The following BFSP1 variants were observed in gnomAD, a reference collection of about 807,000 sequenced individuals.
BFSP1 encodes beaded filament structural protein 1, also known as filensin.
BFSP1 carries 38 observed loss-of-function variants against 43.9 expected under a neutral mutation model. That is an observed-to-expected ratio of 0.87 (90% CI 0.67 to 1.14). The LOEUF is 1.14. BFSP1 is among the 50% of genes most tolerant of loss of function. The pLI is 0.00. For synonymous variants in BFSP1, 352 were observed against 354.8 expected, an observed-to-expected ratio of 0.99 and a Z score of 0.09; for missense variants, 850 against 875.1, an observed-to-expected ratio of 0.97 and a Z score of 0.36.
intron 2 of BFSP1, among the ~76,000 whole-genome samples, chr20:17,520,783 C>T (rs2034305960): frequency 6.6e-6 from 1 of 152,178 alleles, no homozygotes; most frequent in South Asian, 2.1e-4. Context: ...TTTCCGGGCT[C>T]AGAGGAATTC....
chr20:17,530,577 A>T (rs1379117094), intron 1 of BFSP1, among the ~76,000 whole-genome samples: 1 of 152,214 alleles, frequency 6.6e-6, no homozygotes, highest in Non-Finnish European at 1.5e-5. Context: ...ACTGACTGGG[A>T]AAGGGGAGGA....
In BFSP1 at chr20:17,497,457, T is replaced by TACACACACAC. The variant is rs200390071; in HGVS notation, c.957-435_957-434insGTGTGTGTGT. ...GTATATATACGTGTATGTATATATATATACACACACACACGTATATATACG... is the reference window on the plus strand; with the variant it reads ...GTATATATACGTGTATGTATATATATACACACACACATACACACACACACGTATATATACG... On this transcript the variant is annotated intron_variant, in intron 6 of 7. Coordinates refer to ENST00000377873, the MANE Select transcript of BFSP1 (RefSeq NM_001195.5). 6.9e-3 allele frequency among the ~76,000 whole-genome samples: 497 copies of TACACACACAC among 72,080 alleles called. 2 individuals are homozygous for TACACACACAC. The highest frequency in any genetic ancestry group is 0.011 in the Non-Finnish European group (404 of 38,020). 47.3% of individuals were successfully genotyped at this position (72,080 alleles called of 152,430 possible). A position where few individuals can be genotyped will look rare whatever the true frequency, so the allele number is the denominator to read the frequency against.
At chr20:17,511,942 G>C (rs966351241) in intron 4 of BFSP1, 34 bp downstream of exon 4, 1 of 1,544,112 alleles carries the variant, frequency 6.5e-7, no homozygotes, top group Non-Finnish European at 8.9e-7. Context: ...CTTCCCTCCA[G>C]GGCTGGTTTG....
chr20:17,548,781 T>A (rs1305630044), intron 1 of BFSP1, among the ~76,000 whole-genome samples: 1 of 152,092 alleles, frequency 6.6e-6, no homozygotes, highest in African/African-American at 2.4e-5. Context: ...ACTTATTGTT[T>A]TTTGGTGGTG....
At chr20:17,557,751 T>C (rs2035017025) in intron 1 of BFSP1, among the ~76,000 whole-genome samples, 1 of 152,140 alleles carries the variant, frequency 6.6e-6, no homozygotes, top group South Asian at 2.1e-4. Context: ...GTGGTTCCAG[T>C]GTGTGTGTTG....
intron 6 of BFSP1, among the ~76,000 whole-genome samples, chr20:17,497,584 A>ATATATGTATATATGTGTGTGTATATATG (rs2033679166): frequency 6.4e-5 from 1 of 15,626 alleles, no homozygotes; most frequent in Non-Finnish European, 1.3e-4. Context: ...ATATATACGT[A>ATATATGTATATATGTGTGTGTATATATG]TATATATACG....
At chr20:17,538,247 C>T (rs1024181995) in intron 1 of BFSP1, among the ~76,000 whole-genome samples, 1 of 151,942 alleles carries the variant, frequency 6.6e-6, no homozygotes, top group Non-Finnish European at 1.5e-5. Context: ...GCATGATGTC[C>T]AACTTACTCT....
rs1019007679 is a variant in BFSP1, at chr20:17,514,657, C to T, written c.534+64G>A. The T allele has an allele frequency of 6.6e-6, 10 of 1,506,518 alleles. No individual in the cohort carries two copies. In the African/African-American group the frequency reaches 9.7e-5, roughly 15 times the overall value. The allele number at this position is 1,506,518 out of a possible 1,614,324, so 93.3% of individuals were successfully genotyped here. On this transcript the variant is annotated intron_variant, in intron 3 of 7. Transcript: ENST00000377873. ...AGTCTGTTTTCAGCCACAGTACCCT[C>T]GGCTTACCTGATCAAACCCAAACTG...
chr20:17,531,441 A>G (rs1339446222), upstream of BFSP1: 11 of 1,230,858 alleles, frequency 8.9e-6, no homozygotes, highest in African/African-American at 7.9e-5. Flanking sequence ...CGCTGCTGGG[A>G]CGTTCCAGAG....
At chr20:17,506,362 C>T (rs7270359) in intron 5 of BFSP1, among the ~76,000 whole-genome samples, 1 of 151,968 alleles carries the variant, frequency 6.6e-6, no homozygotes, top group Non-Finnish European at 1.5e-5. Context: ...TGCGATGACA[C>T]GGGTGCTGGT....
At chr20:17,550,462 C>CTTTT (rs66786068) in intron 1 of BFSP1, among the ~76,000 whole-genome samples, 1 of 131,916 alleles carries the variant, frequency 7.6e-6, no homozygotes, top group Non-Finnish European at 1.6e-5. Context: ...GACTATAATC[C>CTTTT]TTTTTTTTTT....
chr20:17,561,465 C>T (rs1331035668), upstream of BFSP1, among the ~76,000 whole-genome samples: 1 of 151,542 alleles, frequency 6.6e-6, no homozygotes, highest in Non-Finnish European at 1.5e-5. Context: ...CACCACTGCA[C>T]TCCAGCCCAG....
chr20:17,499,920 A>G (rs879275096), intron 5 of BFSP1, among the ~76,000 whole-genome samples: 2 of 152,216 alleles, frequency 1.3e-5, no homozygotes, highest in African/African-American at 2.4e-5. Context: ...GACTCTGTCT[A>G]AAAGAAAAAG....
upstream of BFSP1, among the ~76,000 whole-genome samples, chr20:17,561,906 G>C (rs978845715): frequency 3.3e-5 from 5 of 151,948 alleles, no homozygotes; most frequent in Admixed American, 6.5e-5. Context: ...TCTAGAGAGA[G>C]GTTTTATACT....
chr20:17,568,489 G>T (rs1435476610), intron 1 of BFSP1, among the ~76,000 whole-genome samples: 1 of 152,038 alleles, frequency 6.6e-6, no homozygotes, highest in Non-Finnish European at 1.5e-5. Context: ...CAGGAGTGTG[G>T]TCTCGGACTG....
chr20:17,542,479 G>T (rs1045080409), intron 1 of BFSP1, among the ~76,000 whole-genome samples: 3 of 150,896 alleles, frequency 2.0e-5, no homozygotes, highest in Non-Finnish European at 4.4e-5. Flanking sequence ...TGCACCTGTA[G>T]TCTCTGCTAC....
chr20:17,511,874 T>C, intron 4 of BFSP1, 102 bp downstream of exon 4: 1 of 962,854 alleles, frequency 1.0e-6, no homozygotes, highest in Non-Finnish European at 1.6e-6. Context: ...GAGTGGACCC[T>C]GGTGGCCGCC....
In BFSP1 at chr20:17,539,023, G is replaced by C. The variant is rs555453612; in HGVS notation, c.3-14115C>G. ...ATGCCCACTCTGTCCTAAAAAGAAG[G>C]ATGTTCCAGCCCTGCTTTGTATCAG... On this transcript the variant is annotated intron_variant, in intron 1 of 7. Coordinates refer to the BFSP1 transcript ENST00000377868. Among the ~76,000 whole-genome samples, 13 of 151,100 alleles carry C rather than the reference G, an allele frequency of 8.6e-5. No individual in the cohort carries two copies. The South Asian group carries it at 2.7e-3, about 32-fold the overall frequency.
intron 4 of BFSP1, among the ~76,000 whole-genome samples, chr20:17,509,242 G>A (rs1177473705): frequency 6.7e-6 from 1 of 148,864 alleles, no homozygotes; most frequent in Non-Finnish European, 1.5e-5. Flanking sequence ...AGACACCAGA[G>A]CCCCCACCCC....
Sources: allele counts gnomAD v4.1 joint callset (sites outside exome capture counted in the v4.1 genomes callset), GRCh38; gene constraint gnomAD v4.1.1; transcripts MANE v1.5; gene names NCBI Gene and HGNC (gene_info 2026-07-23, HGNC 2026-07-21).